Variants in COBLL1 observed in about 807,000 individuals in gnomAD.
The protein encoded by COBLL1 is cordon-bleu WH2 repeat protein like 1.
A neutral mutation model predicts 94.8 loss-of-function variants in COBLL1; 50 were observed. The ratio of observed to expected loss-of-function variants is 0.53; its 90% CI spans 0.42 to 0.67. The LOEUF is 0.67. Among genes scored for constraint, COBLL1 ranks in the 30% least tolerant of loss-of-function variants. The probability of loss-of-function intolerance (pLI) is 0.00; values close to 1 mark genes in which losing one functional copy is unlikely to be tolerated. For missense variants in COBLL1, 1,362 were observed against 1,348.7 expected, an observed-to-expected ratio of 1.01 and a Z score of -0.15; for synonymous variants, 448 against 473.8, an observed-to-expected ratio of 0.95 and a Z score of 0.71.
chr2:164,709,521 C>A (rs1355386332), intron 7 of COBLL1, among the ~76,000 whole-genome samples: 1 of 152,128 alleles, frequency 6.6e-6, no homozygotes, highest in Non-Finnish European at 1.5e-5. Context: ...AATTTGAGAC[C>A]AGCCTGACTA....
chr2:164,830,434 T>C (rs1683024592), intron 2 of COBLL1, among the ~76,000 whole-genome samples: 1 of 152,194 alleles, frequency 6.6e-6, no homozygotes, highest in African/African-American at 2.4e-5. Flanking sequence ...AACTCAAACA[T>C]GCATAACCTT....
At chr2:164,754,301 C>T (rs915459057) in intron 2 of COBLL1, among the ~76,000 whole-genome samples, 3 of 152,162 alleles carry the variant, frequency 2.0e-5, no homozygotes, top group African/African-American at 7.2e-5. Context: ...CTTCCTTGTG[C>T]AGTCTCCTCC....
chr2:164,779,836 G>T (rs911981540), intron 2 of COBLL1: 2 of 440,064 alleles, frequency 4.5e-6, no homozygotes, highest in Non-Finnish European at 9.5e-6. Flanking sequence ...AATTTAGACC[G>T]AACATTAAAG....
chr2:164,818,422 TGTATGCA>T (rs1684956091), intron 2 of COBLL1, among the ~76,000 whole-genome samples: 1 of 149,476 alleles, frequency 6.7e-6, no homozygotes, highest in South Asian at 2.2e-4. Context: ...ATATTTACAA[TGTATGCA>T]TGTATACATA....
chr2:164,743,240 A>T (rs2105560105), intron 3 of COBLL1: 1 of 153,822 alleles, frequency 6.5e-6, no homozygotes, highest in African/African-American at 2.4e-5. Context: ...ACATTTTAAG[A>T]GTAATAAAAC....
At position 164,681,128 on chromosome 2, in the gene COBLL1, G is replaced by A. The variant is rs1326377682; in HGVS notation, c.*4818C>T. On this transcript the variant is annotated 3_prime_UTR_variant, in exon 14 of 14. Coordinates refer to ENST00000652658, the MANE Select transcript of COBLL1 (RefSeq NM_001365672.2). ...TATGATTAGGGTTAGAGTCATATGT[G>A]TATGGTTTGTTTAACAGGGTGTATT... 6.6e-6 allele frequency: 1 copy of A among 152,152 alleles called. No homozygotes were observed. The highest frequency in any genetic ancestry group is 6.5e-5 in the Admixed American group (1 of 15,270). The allele number at this position is 152,152 out of a possible 1,614,324, so 9.4% of individuals were successfully genotyped here.
intron 2 of COBLL1, among the ~76,000 whole-genome samples, chr2:164,661,298 T>A (rs796375873): frequency 6.6e-5 from 10 of 152,260 alleles, no homozygotes; most frequent in African/African-American, 2.4e-4. Context: ...AAGCATTTTA[T>A]ATTAAAATTA....
At chr2:164,672,716 A>AT in intron 1 of COBLL1, among the ~76,000 whole-genome samples, 1 of 150,020 alleles carries the variant, frequency 6.7e-6, no homozygotes, top group African/African-American at 2.5e-5. Flanking sequence ...AAAAAAAAAA[A>AT]AAAAAAAAAA....
chr2:164,803,548 G>C (rs1263639820), intron 2 of COBLL1, among the ~76,000 whole-genome samples: 1 of 145,856 alleles, frequency 6.9e-6, no homozygotes, highest in Non-Finnish European at 1.5e-5. Flanking sequence ...CTGGGTGACA[G>C]AGCGAGACTC....
At chr2:164,762,871 T>G (rs1687751498) in intron 2 of COBLL1, among the ~76,000 whole-genome samples, 1 of 152,168 alleles carries the variant, frequency 6.6e-6, no homozygotes, top group East Asian at 1.9e-4. Flanking sequence ...TAATTTTTTG[T>G]ATTTTTAGTA....
At chr2:164,708,949 C>T (rs1419990002) in intron 7 of COBLL1, among the ~76,000 whole-genome samples, 1 of 152,136 alleles carries the variant, frequency 6.6e-6, no homozygotes, top group African/African-American at 2.4e-5. Flanking sequence ...ACATGAATTT[C>T]TCAATGAGAG....
At chr2:164,716,263 T>G (rs924868999) in intron 7 of COBLL1, among the ~76,000 whole-genome samples, 7 of 152,208 alleles carry the variant, frequency 4.6e-5, no homozygotes, top group Non-Finnish European at 8.8e-5. Flanking sequence ...TTATCGTAAA[T>G]AACTGTGTAC....
chr2:164,792,747 A>G (rs1053881830), intron 2 of COBLL1, among the ~76,000 whole-genome samples: 3 of 152,192 alleles, frequency 2.0e-5, no homozygotes, highest in Non-Finnish European at 4.4e-5. Flanking sequence ...TTTTGTATGT[A>G]TGCTTTACAT....
chr2:164,828,049 T>C (rs1685516982), intron 2 of COBLL1, among the ~76,000 whole-genome samples: 1 of 152,142 alleles, frequency 6.6e-6, no homozygotes, highest in Non-Finnish European at 1.5e-5. Context: ...GTAATTTTAA[T>C]GGTGTGGTAT....
At chr2:164,770,992 G>A (rs73968252) in intron 2 of COBLL1, among the ~76,000 whole-genome samples, 2 of 151,826 alleles carry the variant, frequency 1.3e-5, no homozygotes, top group African/African-American at 4.8e-5. Flanking sequence ...TACTGATCTC[G>A]CATAAAGATC....
chr2:164,720,981 T>C (rs1685414185), intron 7 of COBLL1, among the ~76,000 whole-genome samples: 1 of 152,234 alleles, frequency 6.6e-6, no homozygotes, highest in African/African-American at 2.4e-5. Flanking sequence ...AAAGTCTTCA[T>C]AGAAATAAGA....
intron 2 of COBLL1, among the ~76,000 whole-genome samples, chr2:164,664,858 CT>C (rs1490943313): frequency 1.3e-5 from 2 of 152,216 alleles, no homozygotes; most frequent in Non-Finnish European, 2.9e-5. Flanking sequence ...AAATAAAGTG[CT>C]GTTTAAGAGC....
At chr2:164,779,790 A>T (rs1358073646) in intron 2 of COBLL1, 2 of 469,108 alleles carry the variant, frequency 4.3e-6, no homozygotes, top group Non-Finnish European at 8.8e-6. Flanking sequence ...CTGAGCCTAG[A>T]GGGAAAGAGA....
chr2:164,841,354 G>C lies in COBLL1; in HGVS notation c.-50-108C>G. ...CGCCCGAGCCGCTCCAGCCCCGGCC[G>C]GCCCGCCTCCCGGGTGCGCTTCCAC... On this transcript the variant is annotated intron_variant, in intron 1 of 13. Coordinates refer to ENST00000652658, the MANE Select transcript of COBLL1 (RefSeq NM_001365672.2). This position sits in a 1 kb window ranked among gnomAD's most constrained non-coding sequence, Gnocchi z 5.5. 1 of 1,193,458 alleles carries C rather than the reference G, an allele frequency of 8.4e-7. No homozygotes were observed. Among genetic ancestry groups the C allele is most frequent in the Non-Finnish European group, 1.0e-6 (1 of 963,614 alleles). 73.9% of individuals were successfully genotyped at this position (1,193,458 alleles called of 1,614,324 possible).
Sources: allele counts gnomAD v4.1 joint callset (sites outside exome capture counted in the v4.1 genomes callset), GRCh38; gene constraint gnomAD v4.1.1; non-coding constraint Gnocchi (gnomAD v3.1); transcripts MANE v1.5; gene names NCBI Gene and HGNC (gene_info 2026-07-23, HGNC 2026-07-21).